Variants in CFAP299 observed in about 807,000 individuals in gnomAD.
The protein encoded by CFAP299 is cilia and flagella associated protein 299.
In CFAP299, 21 loss-of-function variants were observed where a neutral mutation model predicts 27.0. The ratio of observed to expected loss-of-function variants is 0.78; its 90% confidence interval spans 0.55 to 1.12. The LOEUF is 1.12. Among genes scored for constraint, CFAP299 ranks in the 50% most tolerant of loss-of-function variants. The pLI is 0.00. For synonymous variants in CFAP299, 104 were observed against 98.1 expected (o/e 1.06, Z -0.36); for missense variants, 310 against 276.6 (o/e 1.12, Z -0.86).
At chr4:80,460,437 T>A (rs1729382531) in intron 2 of CFAP299, among the ~76,000 whole-genome samples, 1 of 152,162 alleles carries the variant, frequency 6.6e-6, no homozygotes, top group African/African-American at 2.4e-5. Flanking sequence ...GGGTGAAATT[T>A]TTTTAAAGTT....
intron 2 of CFAP299, among the ~76,000 whole-genome samples, chr4:80,496,636 T>C (rs1731454725): frequency 6.6e-6 from 1 of 152,240 alleles, no homozygotes; most frequent in Non-Finnish European, 1.5e-5. Context: ...CCAAAGCTGC[T>C]TTCACATTTT....
chr4:80,592,157 A>G (rs1736821832), intron 3 of CFAP299, among the ~76,000 whole-genome samples: 1 of 152,208 alleles, frequency 6.6e-6, no homozygotes, highest in African/African-American at 2.4e-5. Context: ...TGGGTGCAAT[A>G]AAAGGTAAAA....
intron 2 of CFAP299, among the ~76,000 whole-genome samples, chr4:80,485,233 A>T (rs1281403563): frequency 6.7e-6 from 1 of 150,092 alleles, no homozygotes; most frequent in Non-Finnish European, 1.5e-5. Flanking sequence ...ACATGTATAT[A>T]TACATATATG....
chr4:80,409,752 T>C (rs368289535), intron 2 of CFAP299, among the ~76,000 whole-genome samples: 15 of 152,180 alleles, frequency 9.9e-5, no homozygotes, highest in Middle Eastern at 3.2e-3. Flanking sequence ...ATATGAGCCT[T>C]GGACAAAAGT....
chr4:80,571,188 G>C (rs956536440), intron 2 of CFAP299, among the ~76,000 whole-genome samples: 6 of 152,012 alleles, frequency 3.9e-5, no homozygotes, highest in African/African-American at 1.4e-4. Flanking sequence ...GTGATCAGCG[G>C]CTTCTATCTA....
intron 2 of CFAP299, among the ~76,000 whole-genome samples, chr4:80,426,543 C>G (rs541090552): frequency 3.3e-5 from 5 of 152,258 alleles, no homozygotes; most frequent in Admixed American, 2.6e-4. Context: ...CCAAACTTGC[C>G]TGTTCATAAG....
In CFAP299 at chr4:80,535,936, T is replaced by C. The variant is rs150064810; in HGVS notation, c.243-47157T>C. On this transcript the variant is annotated intron_variant, in intron 2 of 5. Coordinates refer to ENST00000358105, the MANE Select transcript of CFAP299 (RefSeq NM_152770.3). ...GAAAATACACTCTAATTGTAGCATATTCAAAGGAGGATCATCAAGCTAGGG... is the reference window on the plus strand; with the variant it reads ...GAAAATACACTCTAATTGTAGCATACTCAAAGGAGGATCATCAAGCTAGGG... Among the ~76,000 whole-genome samples the C allele has an allele frequency of 8.9e-3, 1,357 of 152,272 alleles. 7 individuals are homozygous for C. Among genetic ancestry groups the C allele is most frequent in the Middle Eastern group, 0.024 (7 of 294 alleles).
chr4:80,330,233 T>C, the CFAP299 span, among the ~76,000 whole-genome samples: 3 of 152,170 alleles, frequency 2.0e-5, no homozygotes, highest in Non-Finnish European at 2.9e-5. Context: ...TTTTCTTCTG[T>C]CTCCTGACCT....
At chr4:80,577,914 T>C (rs113563055) in intron 2 of CFAP299, among the ~76,000 whole-genome samples, 171 of 152,342 alleles carry the variant, frequency 1.1e-3, no homozygotes, top group African/African-American at 3.8e-3. Context: ...AGTGTTAAGC[T>C]AATAATGTCA....
At chr4:80,876,175 A>C (rs1733365848) in intron 4 of CFAP299, among the ~76,000 whole-genome samples, 1 of 149,406 alleles carries the variant, frequency 6.7e-6, no homozygotes, top group Non-Finnish European at 1.5e-5. Flanking sequence ...TATTATATAT[A>C]ATATTTCATT....
intron 3 of CFAP299, among the ~76,000 whole-genome samples, chr4:80,725,928 A>G (rs1414206354): frequency 6.6e-6 from 1 of 152,212 alleles, no homozygotes; most frequent in South Asian, 2.1e-4. Flanking sequence ...ACAGATTTTC[A>G]TATAATTCTG....
At chr4:80,334,611 T>TTTGTTTTCC (rs1722052464), upstream of CFAP299, among the ~76,000 whole-genome samples, 1 of 152,176 alleles carries the variant, frequency 6.6e-6, no homozygotes, top group Non-Finnish European at 1.5e-5. Context: ...TTATCTCCTT[T>TTTGTTTTCC]TTGTTTTCCC....
chr4:80,335,375 GAC>G (rs1175600604), upstream of CFAP299, among the ~76,000 whole-genome samples: 2 of 151,956 alleles, frequency 1.3e-5, no homozygotes, highest in Non-Finnish European at 2.9e-5. Flanking sequence ...TTGTTTTTGA[GAC>G]AGTCTTTTTG....
chr4:80,591,478 G>A (rs1365315326), intron 3 of CFAP299, among the ~76,000 whole-genome samples: 1 of 152,098 alleles, frequency 6.6e-6, no homozygotes, highest in Non-Finnish European at 1.5e-5. Flanking sequence ...CGAAGAGGTC[G>A]AACTTTGGCG....
chr4:80,396,658 T>C (rs562611653), intron 2 of CFAP299, among the ~76,000 whole-genome samples: 7 of 152,294 alleles, frequency 4.6e-5, no homozygotes, highest in Non-Finnish European at 1.0e-4. Flanking sequence ...TGTCTTTGGT[T>C]CTGTTTATAT....
intron 3 of CFAP299, among the ~76,000 whole-genome samples, chr4:80,856,256 T>A (rs1187067399): frequency 6.8e-6 from 1 of 146,206 alleles, no homozygotes; most frequent in Non-Finnish European, 1.5e-5. Context: ...ATGGGGTTGT[T>A]TTTTTCTTGT....
chr4:80,542,490 C>T (rs2110200246), intron 2 of CFAP299, among the ~76,000 whole-genome samples: 1 of 152,246 alleles, frequency 6.6e-6, no homozygotes, highest in South Asian at 2.1e-4. Flanking sequence ...ACCAAGAATG[C>T]TCCACAGGGT....
At chr4:80,599,387 A>T (rs1261131361) in intron 3 of CFAP299, among the ~76,000 whole-genome samples, 1 of 152,148 alleles carries the variant, frequency 6.6e-6, no homozygotes, top group Non-Finnish European at 1.5e-5. Context: ...CAGTGATGCT[A>T]GTTGGTCTTT....
chr4:80,799,926 ATT>A (rs1461643012), intron 3 of CFAP299, among the ~76,000 whole-genome samples: 8 of 45,024 alleles, frequency 1.8e-4, no homozygotes, highest in African/African-American at 7.4e-4. Context: ...TAATATATAT[ATT>A]TATATATTAT....
Sources: gnomAD v4.1 joint callset for allele counts (sites outside exome capture counted in the v4.1 genomes callset) on GRCh38, gnomAD v4.1.1 for gene constraint, MANE v1.5 for transcripts, NCBI Gene and HGNC (gene_info 2026-07-23, HGNC 2026-07-21) for gene names.